Variants in PHKG1 observed in about 807,000 individuals in gnomAD.
PHKG1 encodes phosphorylase b kinase gamma catalytic chain, skeletal muscle/heart isoform.
Under a neutral mutation model 50.5 loss-of-function variants are expected in PHKG1, and 48 were observed. The ratio of observed to expected loss-of-function variants is 0.95; its 90% CI spans 0.75 to 1.21. PHKG1 has a LOEUF of 1.21. Ranked by LOEUF, PHKG1 falls within the 50% of genes most tolerant of loss-of-function variation. PHKG1 has a pLI of 0.00. For synonymous variants in PHKG1, 204 were observed against 212.8 expected, an observed-to-expected ratio of 0.96 and a Z score of 0.36; for missense variants, 487 against 519.5, an observed-to-expected ratio of 0.94 and a Z score of 0.61.
In PHKG1 at chr7:56,081,552, T is replaced by C; in HGVS notation, c.918+78A>G. Reference sequence around the variant, plus strand: ...GGGTACTCTGGAAATTCACGGGGTGTAAGGACTCCTGGGAGAGGAGGGGGC... The same window carrying C: ...GGGTACTCTGGAAATTCACGGGGTGCAAGGACTCCTGGGAGAGGAGGGGGC... On this transcript the variant is annotated intron_variant, in intron 9 of 9. Coordinates refer to ENST00000297373, the MANE Select transcript of PHKG1 (RefSeq NM_006213.5). This position sits in a 1 kb window ranked among gnomAD's most constrained non-coding sequence, Gnocchi z 4.6. 1 of 1,530,304 alleles carries C rather than the reference T, an allele frequency of 6.5e-7. No homozygotes were observed. The highest frequency in any genetic ancestry group is 9.0e-7 in the Non-Finnish European group (1 of 1,116,846). The allele number at this position is 1,530,304 out of a possible 1,614,324, so 94.8% of individuals were successfully genotyped here.
rs941023257 is a variant in PHKG1, at chr7:56,085,189, G to A, written c.318-1474C>T. Reference sequence around the variant, plus strand: ...TTGCCCAGGCTGGTCTCGAACTCCCGGCTTCATCTGATCCGCCTGCCTCAG... The same window carrying A: ...TTGCCCAGGCTGGTCTCGAACTCCCAGCTTCATCTGATCCGCCTGCCTCAG... On this transcript the variant is annotated intron_variant, in intron 4 of 9. Coordinates refer to ENST00000297373, the MANE Select transcript of PHKG1 (RefSeq NM_006213.5). Among the ~76,000 whole-genome samples the A allele has an allele frequency of 4.6e-5, 7 of 152,004 alleles. No individual in the cohort carries two copies. The South Asian group carries it at 6.2e-4, about 14-fold the overall frequency.
intron 3 of PHKG1, 73 bp downstream of exon 3, chr7:56,087,525 A>G (rs1796307561): frequency 6.8e-6 from 10 of 1,472,482 alleles, no homozygotes; most frequent in Admixed American, 1.7e-5. Flanking sequence ...GTGGGGCCAC[A>G]CTCCCTGGCT....
Position 56,081,836 on chromosome 7 carries a change from C to CAG in PHKG1, c.792+55_792+56dup. ...TCAGGAAAGGCAGGGCCTCCCCGGG[C>CAG]AGGGGCGCCTGGCATCGCAGCCCTG... On this transcript the variant is annotated intron_variant, in intron 8 of 9. Coordinates refer to ENST00000297373, the MANE Select transcript of PHKG1 (RefSeq NM_006213.5). This position sits in a 1 kb window ranked among gnomAD's most constrained non-coding sequence, Gnocchi z 4.6. 1 of 1,609,390 alleles carries CAG rather than the reference C, an allele frequency of 6.2e-7. No individual in the cohort carries two copies. Among genetic ancestry groups the CAG allele is most frequent in the Non-Finnish European group, 8.5e-7 (1 of 1,177,524 alleles).
chr7:56,085,024 G>A (rs535625020), intron 4 of PHKG1, among the ~76,000 whole-genome samples: 2 of 152,144 alleles, frequency 1.3e-5, no homozygotes, highest in South Asian at 2.1e-4. Flanking sequence ...GCAGTGGCAC[G>A]ATCTCAGCTA....
At position 56,086,980 on chromosome 7, in the gene PHKG1, C is replaced by A. The variant is rs751546133; in HGVS notation, c.307G>T (p.Val103Leu). The A allele has an allele frequency of 6.2e-7, 1 of 1,613,160 alleles. No individual in the cohort carries two copies. Among genetic ancestry groups the A allele is most frequent in the Admixed American group, 1.7e-5 (1 of 59,972 alleles). The part of the protein sequence containing the change: ...TYETNTFFFL[V>L]FDLMKRGELF... ...GTGCTGGGTACTTACAGGTCAAACA[C>A]CAAGAAGAAGAAAGTGTTGGTCTCA... Residue 103 changes from valine (V) to leucine (L), a missense_variant, in exon 4 of 10, where the codon GTG becomes TTG. By Grantham distance (32) the Val-to-Leu change is conservative. Coordinates refer to ENST00000297373, the MANE Select transcript of PHKG1 (RefSeq NM_006213.5).
intron 1 of PHKG1, among the ~76,000 whole-genome samples, chr7:56,090,977 TGAG>T (rs1332907516): frequency 6.6e-6 from 1 of 151,606 alleles, no homozygotes; most frequent in Non-Finnish European, 1.5e-5. Context: ...TTTGGGAGGC[TGAG>T]GTGGGCAGAT....
intron 6 of PHKG1, 109 bp downstream of exon 6, chr7:56,083,169 T>G: frequency 1.0e-6 from 1 of 974,124 alleles, no homozygotes. Context: ...GTGGAATTTT[T>G]ATTCCAGGGA....
chr7:56,087,653 T>G lies in PHKG1; in HGVS notation c.207A>C (p.Glu69Asp), dbSNP rs1199793792. Residue 69 changes from glutamate (E) to aspartate (D), a missense_variant, in exon 3 of 10, where the codon GAA (glutamate) becomes GAC (aspartate). Physicochemically the swap from Glu to Asp is conservative, Grantham distance 45. Transcript: ENST00000297373. Reference protein sequence around the residue: ...FSPEEVRELREATLKEVDILR... With the variant: ...FSPEEVRELRDATLKEVDILR... Reference sequence around the variant, plus strand: ...GGATGTCCACCTCCTTCAGCGTGGCTTCTCGCAGCTCCCGCACCTCCTCCG... The same window carrying G: ...GGATGTCCACCTCCTTCAGCGTGGCGTCTCGCAGCTCCCGCACCTCCTCCG... 1 of 1,613,896 alleles carries G rather than the reference T, an allele frequency of 6.2e-7. No individual in the cohort carries two copies. Among genetic ancestry groups the G allele is most frequent in the African/African-American group, 1.3e-5 (1 of 74,944 alleles).
At chr7:56,085,667 T>C in intron 4 of PHKG1, among the ~76,000 whole-genome samples, 1 of 152,102 alleles carries the variant, frequency 6.6e-6, no homozygotes, top group Non-Finnish European at 1.5e-5. Flanking sequence ...AGTGAGATCT[T>C]TTCAAAAGGA....
Position 56,088,942 on chromosome 7 carries a change from G to A in PHKG1, c.-1C>T, listed in dbSNP as rs1222624103. 2 of 1,609,924 alleles carry A rather than the reference G, an allele frequency of 1.2e-6. No individual in the cohort carries two copies. The highest frequency in any genetic ancestry group is 1.7e-5 in the Admixed American group (1 of 59,956). On this transcript the variant is annotated 5_prime_UTR_variant, in exon 2 of 10. Transcript: ENST00000297373. ...CCGGCAGTGCCTCGTCCCGGGTCAT[G>A]CTCAGATCTTCAGTGAGGGAACTCT...
At position 56,081,853 on chromosome 7, in the gene PHKG1, G is replaced by A. The variant is rs1457734131; in HGVS notation, c.792+40C>T. ...TCCCCGGGCAGGGGCGCCTGGCATC[G>A]CAGCCCTGAGCCCAGGAGCCAGTTG... On this transcript the variant is annotated intron_variant, in intron 8 of 9. Transcript: ENST00000297373. This position sits in a 1 kb window ranked among gnomAD's most constrained non-coding sequence, Gnocchi z 4.6. The A allele has an allele frequency of 8.1e-6, 13 of 1,610,364 alleles. No homozygotes were observed. Among genetic ancestry groups the A allele is most frequent in the Admixed American group, 1.7e-5 (1 of 59,722 alleles).
Position 56,081,447 on chromosome 7 carries a change from C to A in PHKG1, c.919-148G>T. ...TAGTGTCCCCCACTTCCCACTTGGC[C>A]AGCATCCTCAGGGACCGAGCCAGTG... On this transcript the variant is annotated intron_variant, in intron 9 of 9. Coordinates refer to ENST00000297373, the MANE Select transcript of PHKG1 (RefSeq NM_006213.5). This position sits in a 1 kb window ranked among gnomAD's most constrained non-coding sequence, Gnocchi z 4.6. The A allele has an allele frequency of 7.8e-7, 1 of 1,287,932 alleles. No homozygotes were observed. The highest frequency in any genetic ancestry group is 2.3e-5 in the Admixed American group (1 of 42,604). 79.8% of individuals were successfully genotyped at this position (1,287,932 alleles called of 1,614,324 possible).
Position 56,082,182 on chromosome 7 carries a change from A to G in PHKG1, c.619T>C (p.Tyr207His), listed in dbSNP as rs373557654. The change falls in exon 7 of 10, where the codon TAC (tyrosine) becomes CAC (histidine). Residue 207 changes from tyrosine to histidine, a missense_variant. Coordinates refer to ENST00000297373, the MANE Select transcript of PHKG1 (RefSeq NM_006213.5). ...ACTCACATGTCCACCTCTTTCCCGT[A>G]GCCCGGGTGGTCCTCATTCATGGAG... Reference protein sequence around the residue: ...ECSMNEDHPGYGKEVDMWSTG... With the variant: ...ECSMNEDHPGHGKEVDMWSTG... 2.5e-6 allele frequency: 4 copies of G among 1,613,810 alleles called. No homozygotes were observed. In the African/African-American group the frequency reaches 5.3e-5, roughly 22 times the overall value.
intron 3 of PHKG1, among the ~76,000 whole-genome samples, 172 bp from the exon 4 acceptor site, chr7:56,087,196 TA>T (rs1796291665): frequency 4.3e-5 from 2 of 46,068 alleles, no homozygotes; most frequent in Non-Finnish European, 8.5e-5. Context: ...CCAGGGACTT[TA>T]TTATTATTAT....
chr7:56,088,034 C>CTTT (rs34445347), intron 2 of PHKG1, among the ~76,000 whole-genome samples: 26 of 77,900 alleles, frequency 3.3e-4, no homozygotes, highest in Admixed American at 5.8e-4. Context: ...CCGTTCAGTG[C>CTTT]TTTTTTTTTT....
intron 1 of PHKG1, among the ~76,000 whole-genome samples, chr7:56,090,296 A>G (rs1005502997): frequency 2.6e-5 from 4 of 151,932 alleles, no homozygotes; most frequent in African/African-American, 9.7e-5. Flanking sequence ...TTGTATTTTT[A>G]GTAGAGATGG....
In PHKG1 at chr7:56,088,954, A is replaced by T. The variant is rs1562881940; in HGVS notation, c.-13T>A. ...CGTCCCGGGTCATGCTCAGATCTTC[A>T]GTGAGGGAACTCTGGGTGGCTCTGA... On this transcript the variant is annotated 5_prime_UTR_variant, in exon 2 of 10. Coordinates refer to ENST00000297373, the MANE Select transcript of PHKG1 (RefSeq NM_006213.5). 2 of 1,597,512 alleles carry T rather than the reference A, an allele frequency of 1.3e-6. No individual in the cohort carries two copies. Among genetic ancestry groups the T allele is most frequent in the East Asian group, 4.5e-5 (2 of 44,794 alleles).
chr7:56,085,426 A>G (rs534747644), intron 4 of PHKG1, among the ~76,000 whole-genome samples: 139 of 152,320 alleles, frequency 9.1e-4, no homozygotes, highest in African/African-American at 3.3e-3. Context: ...TGCATTTCAC[A>G]GAGCACTTTG....
At position 56,087,783 on chromosome 7, in the gene PHKG1, G is replaced by A. The variant is rs756855595; in HGVS notation, c.84-7C>T. The A allele has an allele frequency of 1.2e-5, 20 of 1,608,410 alleles. No individual in the cohort carries two copies. Among genetic ancestry groups the A allele is most frequent in the Non-Finnish European group, 1.6e-5 (19 of 1,178,544 alleles). On this transcript the variant is annotated splice_polypyrimidine_tract_variant and splice_region_variant and intron_variant, in intron 2 of 9. Transcript: ENST00000297373. ...GACCACACTGCTAACGCCCCTGGGAGTGCAGAGGACAGATGGCCTCGGGGG... is the reference window on the plus strand; with the variant it reads ...GACCACACTGCTAACGCCCCTGGGAATGCAGAGGACAGATGGCCTCGGGGG...
Sources: gnomAD v4.1 joint callset for allele counts (sites outside exome capture counted in the v4.1 genomes callset) on GRCh38, gnomAD v4.1.1 for gene constraint, Gnocchi (gnomAD v3.1) non-coding constraint, MANE v1.5 for transcripts, NCBI Gene and HGNC (gene_info 2026-07-23, HGNC 2026-07-21) for gene names.